Variants in HTR2C observed in about 807,000 individuals in gnomAD.
The protein encoded by HTR2C is 5-hydroxytryptamine (serotonin) receptor 2C, G protein-coupled.
HTR2C carries 5 observed loss-of-function variants against 21.0 expected under a neutral mutation model. That is an observed-to-expected ratio of 0.24 (90% CI 0.12 to 0.50). The LOEUF (loss-of-function observed/expected upper bound fraction) is 0.50, where lower values mean the gene tolerates loss of function less well. Ranked by LOEUF, HTR2C falls within the 20% of genes least tolerant of loss-of-function variation. HTR2C has a pLI of 0.98. For missense variants in HTR2C, 271 were observed against 371.2 expected (o/e 0.73, Z 2.22); for synonymous variants, 150 against 145.3 (o/e 1.03, Z -0.23).
chrX:114,605,477 G>A (rs1255781722), intron 1 of HTR2C, among the ~76,000 whole-genome samples: 2 of 110,919 alleles, frequency 1.8e-5, no homozygotes, highest in African/African-American at 6.6e-5. Context: ...GATTTGGGAC[G>A]AGTTGCACTG....
chrX:114,596,174 T>G (rs192647513), intron 1 of HTR2C, among the ~76,000 whole-genome samples: 1 of 112,493 alleles, frequency 8.9e-6, no homozygotes, highest in Admixed American at 9.4e-5. Context: ...TACCCTGGAT[T>G]TAAACATTTA....
At chrX:114,610,078 G>A in intron 1 of HTR2C, among the ~76,000 whole-genome samples, 1 of 111,967 alleles carries the variant, frequency 8.9e-6, no homozygotes. Flanking sequence ...GCAGTAAAGG[G>A]TACCATTCAG....
At chrX:114,746,259 T>G (rs1206955277) in intron 4 of HTR2C, among the ~76,000 whole-genome samples, 2 of 111,870 alleles carry the variant, frequency 1.8e-5, no homozygotes, top group African/African-American at 6.5e-5. Context: ...AATACATTTA[T>G]ATCATGTTAT....
intron 4 of HTR2C, among the ~76,000 whole-genome samples, chrX:114,744,974 AAAATGGTT>A (rs1383627175): frequency 8.9e-6 from 1 of 112,189 alleles, no homozygotes; most frequent in Non-Finnish European, 1.9e-5. Flanking sequence ...TGCATATGAA[AAAATGGTT>A]AAACTGTTTA....
intron 4 of HTR2C, among the ~76,000 whole-genome samples, chrX:114,806,394 T>C (rs201214024): frequency 0.1 from 552 of 5,347 alleles, 15 homozygotes; most frequent in African/African-American, 0.26. Context: ...ATATATATAC[T>C]GTATATATAT....
chrX:114,621,727 A>C (rs1569478836), intron 2 of HTR2C, among the ~76,000 whole-genome samples: 1 of 112,022 alleles, frequency 8.9e-6, no homozygotes, highest in African/African-American at 3.2e-5. Context: ...TAAGCCAGCA[A>C]CAGCATTAGT....
intron 2 of HTR2C, among the ~76,000 whole-genome samples, chrX:114,652,411 C>A (rs1930610217): frequency 9.1e-6 from 1 of 109,748 alleles, no homozygotes; most frequent in Admixed American, 9.9e-5. Flanking sequence ...AGGCCTAGTC[C>A]AAAACATGAA....
chrX:114,753,321 A>G (rs1390042629), intron 4 of HTR2C, among the ~76,000 whole-genome samples: 1 of 111,925 alleles, frequency 8.9e-6, no homozygotes, highest in Non-Finnish European at 1.9e-5. Context: ...GAATAAGGCA[A>G]GGATATCAAT....
chrX:114,676,084 G>A (rs1410647603), intron 2 of HTR2C, among the ~76,000 whole-genome samples: 2 of 110,501 alleles, frequency 1.8e-5, no homozygotes, highest in Non-Finnish European at 3.8e-5. Context: ...TGGCCAGGCT[G>A]GTTTCGAACT....
In HTR2C at chrX:114,610,241, A is replaced by G. The variant is rs183938108; in HGVS notation, c.-146-3574A>G. Among the ~76,000 whole-genome samples, 3 of 111,707 alleles carry G rather than the reference A, an allele frequency of 2.7e-5. No homozygotes were observed. The Admixed American group carries it at 2.9e-4, about 11-fold the overall frequency. On this transcript the variant is annotated intron_variant, in intron 1 of 5. Transcript: ENST00000276198. Reference sequence around the variant, plus strand: ...CTCAGGACTGACTACTGGCATTTTAATGCACGGTAATGTGGGCATTTCTTT... The same window carrying G: ...CTCAGGACTGACTACTGGCATTTTAGTGCACGGTAATGTGGGCATTTCTTT...
At chrX:114,717,962 A>G (rs1228594524) in intron 2 of HTR2C, among the ~76,000 whole-genome samples, 1 of 111,702 alleles carries the variant, frequency 9.0e-6, no homozygotes, top group African/African-American at 3.3e-5. Flanking sequence ...TATTAATACA[A>G]CACCTTTAAA....
intron 4 of HTR2C, among the ~76,000 whole-genome samples, chrX:114,782,726 A>G (rs1556440919): frequency 9.0e-6 from 1 of 111,166 alleles, no homozygotes; most frequent in Non-Finnish European, 1.9e-5. Flanking sequence ...TAAAAAAAAA[A>G]GGTGTCAAAA....
At chrX:114,873,833 T>C (rs2071110698) in intron 5 of HTR2C, among the ~76,000 whole-genome samples, 2 of 111,289 alleles carry the variant, frequency 1.8e-5, no homozygotes, top group Non-Finnish European at 3.8e-5. Flanking sequence ...TCCTAGCAAA[T>C]TTCAAGTATA....
intron 5 of HTR2C, among the ~76,000 whole-genome samples, chrX:114,905,696 T>C (rs782352419): frequency 9.1e-4 from 102 of 111,781 alleles, no homozygotes; most frequent in African/African-American, 2.9e-3. Flanking sequence ...TGTTATCTAT[T>C]TATCTCTATG....
chrX:114,703,773 C>A (rs1932650091), intron 2 of HTR2C, among the ~76,000 whole-genome samples: 1 of 110,339 alleles, frequency 9.1e-6, no homozygotes, highest in Admixed American at 9.7e-5. Context: ...AATCCGGGAG[C>A]TGGTTTTTTG....
intron 4 of HTR2C, among the ~76,000 whole-genome samples, chrX:114,814,222 C>A (rs782359941): frequency 9.2e-6 from 1 of 108,971 alleles, no homozygotes; most frequent in African/African-American, 3.3e-5. Context: ...TATCTCAGAC[C>A]TCAAAGTAAC....
chrX:114,848,846 G>A (rs1335874685), intron 5 of HTR2C, among the ~76,000 whole-genome samples: 1 of 111,399 alleles, frequency 9.0e-6, no homozygotes, highest in African/African-American at 3.3e-5. Context: ...TATATTTGAG[G>A]TATTCATAAA....
intron 2 of HTR2C, among the ~76,000 whole-genome samples, chrX:114,667,987 G>C (rs782091878): frequency 9.0e-6 from 1 of 111,287 alleles, no homozygotes; most frequent in South Asian, 3.8e-4. Context: ...CTCTAAACAT[G>C]GTAAAAATTA....
intron 4 of HTR2C, 127 bp downstream of exon 4, chrX:114,731,734 G>GA: frequency 2.1e-6 from 1 of 486,014 alleles, no homozygotes; most frequent in Non-Finnish European, 3.4e-6. Context: ...TCGTGTGACA[G>GA]AAGGAGTTGG....
Sources: gnomAD v4.1 joint callset for allele counts (sites outside exome capture counted in the v4.1 genomes callset) on GRCh38, gnomAD v4.1.1 for gene constraint, MANE v1.5 for transcripts, NCBI Gene and HGNC (gene_info 2026-07-23, HGNC 2026-07-21) for gene names.